Variants in PLCXD2 observed in about 807,000 individuals in gnomAD.
PLCXD2 encodes PI-PLC X domain-containing protein 2.
A neutral mutation model predicts 28.6 loss-of-function variants in PLCXD2; 21 were observed. That is an observed-to-expected ratio of 0.73 (90% CI 0.52 to 1.06). The LOEUF (loss-of-function observed/expected upper bound fraction) is 1.06. Among genes scored for constraint, PLCXD2 ranks in the 50% least tolerant of loss-of-function variants. The probability of loss-of-function intolerance (pLI) is 0.00; values close to 1 mark genes in which losing one functional copy is unlikely to be tolerated. For missense variants in PLCXD2, 369 were observed against 376.7 expected (o/e 0.98, Z 0.17); for synonymous variants, 140 against 150.1 (o/e 0.93, Z 0.49).
At chr3:111,679,237 C>T (rs1401174596) in intron 1 of PLCXD2, among the ~76,000 whole-genome samples, 1 of 152,014 alleles carries the variant, frequency 6.6e-6, no homozygotes, top group Non-Finnish European at 1.5e-5. Flanking sequence ...ATGGTCAAGA[C>T]TTCAAGGGAT....
At chr3:111,697,287 A>G (rs1405831286) in intron 1 of PLCXD2, among the ~76,000 whole-genome samples, 1 of 152,218 alleles carries the variant, frequency 6.6e-6, no homozygotes, top group Admixed American at 6.5e-5. Flanking sequence ...CGAGCTGTGC[A>G]TTAGCGCTCT....
chr3:111,686,890 T>C (rs1940803382), intron 1 of PLCXD2, among the ~76,000 whole-genome samples: 1 of 152,154 alleles, frequency 6.6e-6, no homozygotes, highest in Non-Finnish European at 1.5e-5. Context: ...ACATTCCTCT[T>C]CATTGACCCA....
rs556284991 is a variant in PLCXD2 at position 111,692,915 on chromosome 3, C to T, written c.164-15011C>T. The stretch of plus-strand genomic sequence containing the variant: ...TATTTATGATACAAGGAGACTTGAC[C>T]TTTAAATGTCAGTGGAAGTGTAGAG... On this transcript the variant is annotated intron_variant, in intron 1 of 4. Coordinates refer to ENST00000477665, the MANE Select transcript of PLCXD2 (RefSeq NM_001185106.1). 6.4e-4 allele frequency among the ~76,000 whole-genome samples: 97 copies of T among 152,238 alleles called. 1 individual carries two copies. Among genetic ancestry groups the T allele is most frequent in the African/African-American group, 2.2e-3 (92 of 41,532 alleles).
At chr3:111,717,385 C>G (rs190645031) in intron 3 of PLCXD2, among the ~76,000 whole-genome samples, 1 of 152,286 alleles carries the variant, frequency 6.6e-6, no homozygotes, top group East Asian at 1.9e-4. Flanking sequence ...ACTGTTGCCT[C>G]ACGGGCCTGT....
At chr3:111,713,704 T>C (rs1941231098) in intron 2 of PLCXD2, among the ~76,000 whole-genome samples, 183 bp from the exon 3 acceptor site, 1 of 152,208 alleles carries the variant, frequency 6.6e-6, no homozygotes, top group South Asian at 2.1e-4. Context: ...GAGTCAGACA[T>C]ATGGCAAGTG....
intron 3 of PLCXD2, chr3:111,726,476 T>TGATA (rs1302618149): frequency 6.6e-6 from 1 of 152,220 alleles, no homozygotes; most frequent in Admixed American, 6.5e-5. Context: ...TACGTGAACC[T>TGATA]GATAAATGCT....
chr3:111,691,623 A>G (rs893127338), intron 1 of PLCXD2: 1 of 152,228 alleles, frequency 6.6e-6, no homozygotes, highest in African/African-American at 2.4e-5. Flanking sequence ...CTCTGCAATC[A>G]CCATGTTATT....
intron 1 of PLCXD2, chr3:111,692,663 A>G (rs1198588242): frequency 6.6e-6 from 1 of 152,250 alleles, no homozygotes; most frequent in Non-Finnish European, 1.5e-5. Context: ...GGGTAACCAA[A>G]TTAAAATCAA....
chr3:111,701,186 A>G (rs965101488), intron 1 of PLCXD2, among the ~76,000 whole-genome samples: 9 of 152,246 alleles, frequency 5.9e-5, no homozygotes, highest in South Asian at 4.1e-4. Context: ...ATTACAGTTC[A>G]GCACTTACTA....
chr3:111,721,077 T>C (rs1463725646), intron 3 of PLCXD2: 3 of 356,168 alleles, frequency 8.4e-6, no homozygotes, highest in East Asian at 4.1e-5. Context: ...TGAGACTTTT[T>C]TTAAAACTTA....
intron 3 of PLCXD2, among the ~76,000 whole-genome samples, chr3:111,719,767 G>A (rs912978437): frequency 9.9e-5 from 15 of 152,178 alleles, no homozygotes; most frequent in African/African-American, 3.6e-4. Context: ...TGAGGAAGGG[G>A]CTTGCAGGAA....
intron 2 of PLCXD2, among the ~76,000 whole-genome samples, chr3:111,709,449 CAT>C (rs1416909460): frequency 1.4e-5 from 2 of 141,818 alleles, no homozygotes; most frequent in Non-Finnish European, 3.0e-5. Context: ...ATTCTCTCTC[CAT>C]ATATGTGTGT....
intron 1 of PLCXD2, among the ~76,000 whole-genome samples, chr3:111,682,321 G>T (rs886626366): frequency 1.3e-5 from 2 of 152,176 alleles, no homozygotes; most frequent in African/African-American, 4.8e-5. Context: ...GGCATGCCTA[G>T]GTTATATCAT....
intron 1 of PLCXD2, among the ~76,000 whole-genome samples, chr3:111,682,364 T>A (rs531081083): frequency 1.3e-4 from 20 of 152,336 alleles, no homozygotes; most frequent in African/African-American, 4.8e-4. Context: ...TGTGGATTCA[T>A]TGTCTACTAA....
At chr3:111,700,540 G>C (rs1576459021) in intron 1 of PLCXD2, among the ~76,000 whole-genome samples, 1 of 152,066 alleles carries the variant, frequency 6.6e-6, no homozygotes, top group African/African-American at 2.4e-5. Context: ...CAGTCATTTA[G>C]TATTTGATGC....
At chr3:111,710,737 GGGAGAAAGGGAT>G (rs1941189392) in intron 2 of PLCXD2, among the ~76,000 whole-genome samples, 2 of 152,184 alleles carry the variant, frequency 1.3e-5, no homozygotes, top group Admixed American at 1.3e-4. Flanking sequence ...TTAGCAGAAT[GGGAGAAAGGGAT>G]GGAGAGCTTT....
intron 1 of PLCXD2, among the ~76,000 whole-genome samples, chr3:111,681,859 G>A (rs987081637): frequency 6.6e-6 from 1 of 152,166 alleles, no homozygotes; most frequent in African/African-American, 2.4e-5. Flanking sequence ...TCTCTCTCCT[G>A]CCTCTAGGAA....
In PLCXD2 at chr3:111,708,371, G is replaced by A. The variant is rs1435300565; in HGVS notation, c.609G>A (p.Trp203Ter). 5.0e-6 allele frequency: 8 copies of A among 1,613,376 alleles called. No homozygotes were observed. Among genetic ancestry groups the A allele is most frequent in the Non-Finnish European group, 6.8e-6 (8 of 1,179,806 alleles). ...AAAGTTTGACGCTGCGAACTCTGTG[G>A]GAGAAGAACTGCCAGGTAGGAGGGA... The change falls in exon 2 of 5, where the codon TGG (tryptophan) becomes TGA (stop). Residue 203 changes from tryptophan to a stop codon, truncating the protein, a stop_gained. Coordinates refer to ENST00000477665, the MANE Select transcript of PLCXD2 (RefSeq NM_001185106.1). LOFTEE classifies it high-confidence loss of function.
At chr3:111,724,982 CAG>C (rs1341672817) in intron 3 of PLCXD2, 10 of 152,196 alleles carry the variant, frequency 6.6e-5, no homozygotes, top group Non-Finnish European at 1.3e-4. Flanking sequence ...GCCTTATACT[CAG>C]GGGGTGTGCA....
Sources: gnomAD v4.1 joint callset for allele counts (sites outside exome capture counted in the v4.1 genomes callset) on GRCh38, gnomAD v4.1.1 for gene constraint, MANE v1.5 for transcripts, NCBI Gene and HGNC (gene_info 2026-07-23, HGNC 2026-07-21) for gene names.